Variants in PREPL observed in about 807,000 individuals in gnomAD.
PREPL encodes the protein prolyl endopeptidase like, also known as prolyl endopeptidase-like.
PREPL carries 77 observed loss-of-function variants against 70.6 expected under a neutral mutation model. The observed-to-expected ratio is 1.09, with a 90% CI of 0.91 to 1.32. The LOEUF is 1.32. Ranked by LOEUF, PREPL falls within the 40% of genes most tolerant of loss-of-function variation. The probability of loss-of-function intolerance (pLI) is 0.00; values close to 1 mark genes in which losing one functional copy is unlikely to be tolerated. For missense variants in PREPL, 1,002 were observed against 778.2 expected (o/e 1.29, Z -3.42); for synonymous variants, 315 against 264.8 (o/e 1.19, Z -1.84).
chr2:44,321,996 T>C (rs1361589649), intron 12 of PREPL, 96 bp from the exon 13 acceptor site: 22 of 1,272,382 alleles, frequency 1.7e-5, no homozygotes, highest in South Asian at 1.7e-4. Context: ...AGTACTCAGT[T>C]CAAATAATAG....
At chr2:44,351,239 C>A (rs911394902) in intron 1 of PREPL, among the ~76,000 whole-genome samples, 1 of 151,972 alleles carries the variant, frequency 6.6e-6, no homozygotes, top group African/African-American at 2.4e-5. Context: ...CTGGCATCTC[C>A]CTGGCTTTTT....
At chr2:44,326,160 T>G (rs1673466438) in intron 10 of PREPL, among the ~76,000 whole-genome samples, 1 of 152,144 alleles carries the variant, frequency 6.6e-6, no homozygotes, top group African/African-American at 2.4e-5. Flanking sequence ...CAATTCTAAA[T>G]GTCCTTACAA....
chr2:44,332,747 T>C (rs1265517200), intron 7 of PREPL, 91 bp from the exon 8 acceptor site: 10 of 1,034,506 alleles, frequency 9.7e-6, no homozygotes, highest in Non-Finnish European at 1.4e-5. Context: ...CAAGATGATG[T>C]GGATATCTCG....
Position 44,320,221 on chromosome 2 carries a change from C to T in PREPL, c.*1135G>A, listed in dbSNP as rs368796166. 2.9e-5 allele frequency: 46 copies of T among 1,613,578 alleles called. No homozygotes were observed. Among genetic ancestry groups the T allele is most frequent in the Non-Finnish European group, 3.4e-5 (40 of 1,179,742 alleles). ...TAGGTCCAAAAGACTCAGCCCAGAT[C>T]GGCTTTGAAGTTATATCAAGATTTA... On this transcript the variant is annotated 3_prime_UTR_variant, in exon 14 of 14. Coordinates refer to ENST00000409411, the MANE Select transcript of PREPL (RefSeq NM_001171613.2).
intron 1 of PREPL, among the ~76,000 whole-genome samples, chr2:44,350,540 C>G (rs1448745190): frequency 6.6e-6 from 1 of 152,106 alleles, no homozygotes; most frequent in East Asian, 1.9e-4. Flanking sequence ...ATTTAGCAAC[C>G]ATGAAACACC....
At chr2:44,342,320 C>A (rs557818637) in intron 5 of PREPL, 97 bp downstream of exon 5, 2 of 1,149,258 alleles carry the variant, frequency 1.7e-6, no homozygotes, top group Admixed American at 2.5e-5. Flanking sequence ...ATTCCTGGTT[C>A]CAACCAAAAT....
intron 1 of PREPL, among the ~76,000 whole-genome samples, chr2:44,349,199 A>C (rs1676138271): frequency 6.6e-6 from 1 of 152,232 alleles, no homozygotes; most frequent in African/African-American, 2.4e-5. Flanking sequence ...GATAGAAAAA[A>C]TGGTGAAGTA....
Position 44,351,335 on chromosome 2 carries a change from G to A in PREPL, c.-48-4945C>T, listed in dbSNP as rs75330400. Among the ~76,000 whole-genome samples the A allele has an allele frequency of 3.6e-3, 548 of 152,092 alleles. 4 individuals carry two copies. The highest frequency in any genetic ancestry group is 0.012 in the African/African-American group (510 of 41,518). On this transcript the variant is annotated intron_variant, in intron 1 of 13. Coordinates refer to ENST00000409411, the MANE Select transcript of PREPL (RefSeq NM_001171613.2). ...TCCCTTGGTGATCTCATCCAGTCAT[G>A]ACCTTAAATACCATTTATATGCTAA...
At chr2:44,346,481 T>A in intron 1 of PREPL, 91 bp from the exon 2 acceptor site, 2 of 1,189,120 alleles carry the variant, frequency 1.7e-6, no homozygotes, top group Non-Finnish European at 1.2e-6. Flanking sequence ...ACCGTAGACT[T>A]AACGTTGTAC....
intron 7 of PREPL, among the ~76,000 whole-genome samples, chr2:44,333,812 G>A (rs1052829027): frequency 1.3e-5 from 2 of 152,124 alleles, no homozygotes; most frequent in African/African-American, 4.8e-5. Flanking sequence ...ATAGTTATAA[G>A]CAAGCAAACT....
intron 5 of PREPL, among the ~76,000 whole-genome samples, chr2:44,340,831 G>A (rs542288150): frequency 8.6e-5 from 13 of 151,852 alleles, no homozygotes; most frequent in African/African-American, 2.7e-4. Context: ...GGGAGGCTGA[G>A]GTAGAAGAAT....
In PREPL at chr2:44,344,541, C is replaced by G. The variant is rs576291552; in HGVS notation, c.121G>C (p.Val41Leu). The G allele has an allele frequency of 6.2e-7, 1 of 1,601,442 alleles. No homozygotes were observed. The highest frequency in any genetic ancestry group is 1.1e-5 in the South Asian group (1 of 87,246). ...FVYYQEGCCL[V>L]RSKDEEADND... ...GTACCTTCTTCATCTTTGGAACGAA[C>G]CAAGCAACAACCTTCTTGGTAATAA... Residue 41 changes from valine to leucine, a missense_variant, in exon 3 of 14, where the codon GTT becomes CTT. Transcript: ENST00000409411.
chr2:44,337,920 C>G (rs1674799330), intron 7 of PREPL, among the ~76,000 whole-genome samples: 1 of 152,198 alleles, frequency 6.6e-6, no homozygotes, highest in Admixed American at 6.5e-5. Flanking sequence ...ATGATGCAGA[C>G]AAAAGCATGT....
rs368784606 is a variant in PREPL, at chr2:44,320,588, C to G, written c.*768G>C. ...CTTTCAGAGATAGATGCTTTGTTTC[C>G]AATCGAGCATGCTATTCCAGTGTAC... is the stretch of plus-strand genomic sequence containing the variant. On this transcript the variant is annotated 3_prime_UTR_variant, in exon 14 of 14. Transcript: ENST00000409411. 6.2e-7 allele frequency: 1 copy of G among 1,614,000 alleles called. No homozygotes were observed. The highest frequency in any genetic ancestry group is 2.2e-5 in the East Asian group (1 of 44,882).
chr2:44,332,731 T>C (rs1674245996), intron 7 of PREPL, 75 bp from the exon 8 acceptor site: 2 of 1,217,748 alleles, frequency 1.6e-6, no homozygotes, highest in African/African-American at 1.5e-5. Flanking sequence ...CTAAGTCTTC[T>C]CCAAACAAGA....
In PREPL at chr2:44,326,711, C is replaced by T; in HGVS notation, c.1479+1G>A. ...AAACAGTAGAGACAGAGCGTACTCA[C>T]CTCCAAAGTCACCGCTCTCACCAGC... On this transcript the variant is annotated splice_donor_variant, in intron 10 of 13. Transcript: ENST00000409411. LOFTEE classifies it high-confidence loss of function. The T allele has an allele frequency of 6.2e-7, 1 of 1,611,564 alleles. No individual in the cohort carries two copies. The highest frequency in any genetic ancestry group is 8.5e-7 in the Non-Finnish European group (1 of 1,178,164).
chr2:44,319,480 T>C lies in PREPL; in HGVS notation c.*1876A>G, dbSNP rs185332435. On this transcript the variant is annotated 3_prime_UTR_variant, in exon 14 of 14. Coordinates refer to ENST00000409411, the MANE Select transcript of PREPL (RefSeq NM_001171613.2). ...TATGGTACAACCGTTCAACAGAATA[T>C]TGTCATTAAAAACATTTATGGAGGC... 4.6e-5 allele frequency: 7 copies of C among 151,992 alleles called. No individual in the cohort carries two copies. The highest frequency in any genetic ancestry group is 1.7e-4 in the African/African-American group (7 of 41,488). The allele number at this position is 151,992 out of a possible 1,614,324, so 9.4% of individuals were successfully genotyped here. A position where few individuals can be genotyped will look rare whatever the true frequency, so the allele number is the denominator to read the frequency against.
Position 44,342,482 on chromosome 2 carries a change from G to C in PREPL, c.420C>G (p.Asp140Glu). The C allele has an allele frequency of 1.2e-6, 2 of 1,612,360 alleles. No homozygotes were observed. Among genetic ancestry groups the C allele is most frequent in the Non-Finnish European group, 1.7e-6 (2 of 1,179,016 alleles). ...TATCACCAAAAGTGGCTCGATATACGTCATGACAGCGAAGGTTCCTCTGGA... is the reference window on the plus strand; with the variant it reads ...TATCACCAAAAGTGGCTCGATATACCTCATGACAGCGAAGGTTCCTCTGGA... Reference protein sequence around the residue: ...YTFQRNLRCHDVYRATFGDNK... With the variant: ...YTFQRNLRCHEVYRATFGDNK... The change falls in exon 5 of 14, where the codon GAC (aspartate) becomes GAG (glutamate). Residue 140 changes from aspartate to glutamate, a missense_variant. Physicochemically the swap from Asp to Glu is conservative, Grantham distance 45. Transcript: ENST00000409411.
chr2:44,350,918 GC>G (rs1422724569), intron 1 of PREPL, among the ~76,000 whole-genome samples: 1 of 150,892 alleles, frequency 6.6e-6, no homozygotes, highest in Non-Finnish European at 1.5e-5. Flanking sequence ...TACTTCACTG[GC>G]CCTTCCTTCT....
Sources: gnomAD v4.1 joint callset for allele counts (sites outside exome capture counted in the v4.1 genomes callset) on GRCh38, gnomAD v4.1.1 for gene constraint, MANE v1.5 for transcripts, NCBI Gene and HGNC (gene_info 2026-07-23, HGNC 2026-07-21) for gene names.